The following ZNF532 variants were observed in gnomAD, a reference collection of about 807,000 sequenced individuals.
ZNF532 encodes the protein zinc finger protein 532.
In ZNF532, 22 loss-of-function variants were observed where a neutral mutation model predicts 89.3. That is an observed-to-expected ratio of 0.25 (90% confidence interval 0.18 to 0.35). The LOEUF (loss-of-function observed/expected upper bound fraction) is 0.35. ZNF532 is among the 10% of genes least tolerant of loss of function. The pLI is 1.00. For synonymous variants in ZNF532, 606 were observed against 649.6 expected, an observed-to-expected ratio of 0.93 and a Z score of 1.02; for missense variants, 1,132 against 1,643.4, an observed-to-expected ratio of 0.69 and a Z score of 5.38.
intron 2 of ZNF532, among the ~76,000 whole-genome samples, chr18:58,891,270 C>T (rs2058881768): frequency 6.6e-6 from 1 of 152,146 alleles, no homozygotes; most frequent in Non-Finnish European, 1.5e-5. Flanking sequence ...TGGCTCACGC[C>T]TGTAATCCCA....
intron 5 of ZNF532, among the ~76,000 whole-genome samples, chr18:58,941,963 T>TCTCTCTCC (rs369236483): frequency 1.9e-5 from 2 of 106,582 alleles, no homozygotes; most frequent in African/African-American, 6.9e-5. Flanking sequence ...TCCCTCCCTC[T>TCTCTCTCC]CTCCCTCCCT....
chr18:58,881,947 C>T (rs1379341616), intron 2 of ZNF532, among the ~76,000 whole-genome samples: 2 of 152,176 alleles, frequency 1.3e-5, no homozygotes, highest in African/African-American at 4.8e-5. Flanking sequence ...CCAGAACCAT[C>T]AAACAAGGTT....
chr18:58,945,045 A>T (rs2063532830), intron 5 of ZNF532, among the ~76,000 whole-genome samples: 1 of 152,120 alleles, frequency 6.6e-6, no homozygotes, highest in African/African-American at 2.4e-5. Context: ...CTTCATCCAG[A>T]TTCCTCCCAG....
chr18:58,918,327 C>T lies in ZNF532; in HGVS notation c.40C>T (p.Leu14Phe). 6.2e-7 allele frequency: 1 copy of T among 1,614,050 alleles called. No homozygotes were observed. The highest frequency in any genetic ancestry group is 8.5e-7 in the Non-Finnish European group (1 of 1,180,010). The stretch of plus-strand genomic sequence containing the variant: ...TATGAAGACCCCAGACTTTGATGAC[C>T]TCCTGGCAGCATTTGACATCCCAGA... ...GDMKTPDFDD[L>F]LAAFDIPDMV... Residue 14 changes from leucine to phenylalanine, a missense_variant, in exon 3 of 10, where the codon CTC becomes TTC. By Grantham distance (22) the Leu-to-Phe change is conservative. Around this residue, in one of 9 missense-constraint regions of ZNF532, gnomAD observed 15 missense variants for 43.6 expected, o/e 0.34. Coordinates refer to ENST00000591808, the MANE Select transcript of ZNF532 (RefSeq NM_001375912.1).
At chr18:58,972,164 C>CTGCAAGTAG (rs2066532774) in intron 7 of ZNF532, among the ~76,000 whole-genome samples, 1 of 152,236 alleles carries the variant, frequency 6.6e-6, no homozygotes, top group Non-Finnish European at 1.5e-5. Context: ...GATTGCACTA[C>CTGCAAGTAG]TGCACTCCAG....
At chr18:58,942,943 GA>G (rs1241124890) in intron 5 of ZNF532, among the ~76,000 whole-genome samples, 2 of 152,242 alleles carry the variant, frequency 1.3e-5, no homozygotes, top group East Asian at 3.9e-4. Context: ...ATGGATGTAT[GA>G]AAAAATACCC....
chr18:58,951,112 C>T (rs993960590), intron 6 of ZNF532, among the ~76,000 whole-genome samples: 3 of 152,098 alleles, frequency 2.0e-5, no homozygotes, highest in Non-Finnish European at 2.9e-5. Flanking sequence ...TGCGCCACCA[C>T]GCCTGGCCGA....
intron 7 of ZNF532, among the ~76,000 whole-genome samples, chr18:58,968,599 C>T (rs2066153824): frequency 6.6e-6 from 1 of 152,232 alleles, no homozygotes; most frequent in Non-Finnish European, 1.5e-5. Flanking sequence ...CCACGGTTCC[C>T]TCCCTGTCCC....
At chr18:58,899,477 TA>T (rs1296514154) in intron 2 of ZNF532, among the ~76,000 whole-genome samples, 5 of 152,154 alleles carry the variant, frequency 3.3e-5, no homozygotes, top group Admixed American at 2.0e-4. Context: ...TTTATTTATT[TA>T]TTTTTTTTGA....
At chr18:58,916,035 A>G (rs1393303052) in intron 2 of ZNF532, among the ~76,000 whole-genome samples, 1 of 152,254 alleles carries the variant, frequency 6.6e-6, no homozygotes, top group African/African-American at 2.4e-5. Flanking sequence ...GCTTTGCATC[A>G]GTTAAAAATC....
At chr18:58,967,840 C>T (rs1386538977) in intron 7 of ZNF532, among the ~76,000 whole-genome samples, 1 of 152,192 alleles carries the variant, frequency 6.6e-6, no homozygotes. Flanking sequence ...ATGGCAGTTG[C>T]AAGCCTTTGG....
intron 2 of ZNF532, among the ~76,000 whole-genome samples, chr18:58,889,404 CT>C (rs916756161): frequency 6.6e-6 from 1 of 152,184 alleles, no homozygotes; most frequent in Non-Finnish European, 1.5e-5. Flanking sequence ...TGTACTTGTA[CT>C]TTTTCTGTAA....
intron 7 of ZNF532, among the ~76,000 whole-genome samples, chr18:58,958,604 A>G (rs2147143833): frequency 6.6e-6 from 1 of 152,346 alleles, no homozygotes; most frequent in African/African-American, 2.4e-5. Context: ...TGTGCCTTGC[A>G]GAGTATCTCT....
At chr18:58,896,170 A>G (rs550815353) in intron 2 of ZNF532, among the ~76,000 whole-genome samples, 1 of 152,198 alleles carries the variant, frequency 6.6e-6, no homozygotes, top group East Asian at 1.9e-4. Flanking sequence ...GTGCAGTGTA[A>G]CTTTCTTCCC....
At chr18:58,903,513 G>A (rs979987090) in intron 2 of ZNF532, among the ~76,000 whole-genome samples, 5 of 152,188 alleles carry the variant, frequency 3.3e-5, no homozygotes, top group East Asian at 1.9e-4. Context: ...CATTGGTCTC[G>A]GTGTGAGGTG....
At chr18:58,900,439 T>G (rs1380821960) in intron 2 of ZNF532, among the ~76,000 whole-genome samples, 1 of 152,158 alleles carries the variant, frequency 6.6e-6, no homozygotes, top group Non-Finnish European at 1.5e-5. Context: ...CTCTCCCTCC[T>G]CCCTAGCTTC....
chr18:58,940,958 A>ACACACACACT (rs1209329621), intron 5 of ZNF532, among the ~76,000 whole-genome samples: 17 of 131,784 alleles, frequency 1.3e-4, no homozygotes, highest in African/African-American at 3.9e-4. Flanking sequence ...ACACACACAC[A>ACACACACACT]CTCTTTCTCT....
At chr18:58,885,786 G>A (rs552052837) in intron 2 of ZNF532, among the ~76,000 whole-genome samples, 5 of 151,704 alleles carry the variant, frequency 3.3e-5, no homozygotes, top group South Asian at 4.2e-4. Context: ...CCCGGGAGGC[G>A]GAGGTTGCAG....
intron 2 of ZNF532, among the ~76,000 whole-genome samples, chr18:58,888,354 A>T (rs1373279706): frequency 1.3e-5 from 2 of 152,100 alleles, no homozygotes; most frequent in African/African-American, 4.8e-5. Context: ...ATAAAATCAG[A>T]TATTTTTCTT....
Sources: allele counts gnomAD v4.1 joint callset (sites outside exome capture counted in the v4.1 genomes callset), GRCh38; gene constraint gnomAD v4.1.1; regional missense constraint gnomAD v4.1.1; transcripts MANE v1.5; gene names NCBI Gene and HGNC (gene_info 2026-07-23, HGNC 2026-07-21).